The following PRKDC variants were observed in gnomAD, a reference collection of about 807,000 sequenced individuals.
PRKDC encodes the protein protein kinase, DNA-activated, catalytic subunit.
Under a neutral mutation model 486.9 loss-of-function variants are expected in PRKDC, and 82 were observed. That is an observed-to-expected ratio of 0.17 (90% CI 0.14 to 0.20). The LOEUF (loss-of-function observed/expected upper bound fraction) is 0.20. PRKDC is among the 10% of genes least tolerant of loss of function. The pLI is 1.00. For missense variants in PRKDC, 4,504 were observed against 5,038.2 expected (o/e 0.89, Z 3.21); for synonymous variants, 1,895 against 1,837.0 (o/e 1.03, Z -0.81).
chr8:47,873,227 CAAAAA>C (rs60385860), intron 40 of PRKDC, among the ~76,000 whole-genome samples: 8 of 71,074 alleles, frequency 1.1e-4, no homozygotes, highest in African/African-American at 3.0e-4. Context: ...GACTCCATCT[CAAAAA>C]AAAAAAAAAA....
In PRKDC at chr8:47,789,276, A is replaced by G. The variant is rs750594724; in HGVS notation, c.10671-38T>C. 2.4e-6 allele frequency: 3 copies of G among 1,230,122 alleles called. No homozygotes were observed. The Admixed American group carries it at 7.6e-5, about 31-fold the overall frequency. The allele number at this position is 1,230,122 out of a possible 1,614,324, so 76.2% of individuals were successfully genotyped here. A position where few individuals can be genotyped will look rare whatever the true frequency, so the allele number is the denominator to read the frequency against. ...ATTTACAAAGTTTAGGCAATCAAATATCTTCCAAAAATCAATATATATTTT... is the reference window on the plus strand; with the variant it reads ...ATTTACAAAGTTTAGGCAATCAAATGTCTTCCAAAAATCAATATATATTTT... On this transcript the variant is annotated intron_variant, in intron 74 of 85. Transcript: ENST00000314191.
rs553258208 is a variant in PRKDC at position 47,934,366 on chromosome 8, C to T, written c.1498-276G>A. Among the ~76,000 whole-genome samples the T allele has an allele frequency of 4.6e-5, 7 of 152,300 alleles. No homozygotes were observed. In the South Asian group the frequency reaches 1.5e-3, roughly 32 times the overall value. ...CAGCCTGGCCAACATGGCAAAATGT[C>T]TCTACTCTAAACACAAAAATTGGCT... is the stretch of plus-strand genomic sequence containing the variant. On this transcript the variant is annotated intron_variant, in intron 14 of 85. Transcript: ENST00000314191.
At chr8:47,898,422 T>TA in intron 29 of PRKDC, 48 bp downstream of exon 29, 5 of 1,403,460 alleles carry the variant, frequency 3.6e-6, no homozygotes, top group Non-Finnish European at 4.9e-6. Flanking sequence ...AGCTGTGAAT[T>TA]AGTTTTATGT....
At chr8:47,840,396 C>A (rs750187060) in intron 54 of PRKDC, among the ~76,000 whole-genome samples, 1 of 152,072 alleles carries the variant, frequency 6.6e-6, no homozygotes, top group Non-Finnish European at 1.5e-5. Flanking sequence ...TACACTGGAT[C>A]CTGAAATAGA....
chr8:47,948,033 A>G (rs1016924088), intron 7 of PRKDC, among the ~76,000 whole-genome samples: 18 of 151,974 alleles, frequency 1.2e-4, no homozygotes, highest in African/African-American at 3.6e-4. Flanking sequence ...CAGTGAGCCC[A>G]TATCACAGCA....
At chr8:47,871,889 C>T (rs1484428680) in intron 40 of PRKDC, among the ~76,000 whole-genome samples, 2 of 152,058 alleles carry the variant, frequency 1.3e-5, no homozygotes, top group Admixed American at 1.3e-4. Flanking sequence ...CCACGCCTGG[C>T]CAGGAGTTCT....
At chr8:47,789,397 A>G (rs373340986) in intron 74 of PRKDC, among the ~76,000 whole-genome samples, 159 bp from the exon 75 acceptor site, 1 of 151,062 alleles carries the variant, frequency 6.6e-6, no homozygotes, top group Non-Finnish European at 1.5e-5. Flanking sequence ...TATATATATA[A>G]CCAACTACAT....
intron 22 of PRKDC, among the ~76,000 whole-genome samples, chr8:47,916,236 A>C (rs1258160752): frequency 6.6e-6 from 1 of 152,144 alleles, no homozygotes; most frequent in Non-Finnish European, 1.5e-5. Context: ...TCACGAGGTC[A>C]GGAGTTCGAG....
At chr8:47,780,127 C>G (rs200490587) in intron 80 of PRKDC, among the ~76,000 whole-genome samples, 1 of 151,756 alleles carries the variant, frequency 6.6e-6, no homozygotes, top group Non-Finnish European at 1.5e-5. Flanking sequence ...GTTGACCAGA[C>G]TGGTCTCGAA....
intron 36 of PRKDC, among the ~76,000 whole-genome samples, chr8:47,882,617 T>G (rs2089244939): frequency 6.6e-6 from 1 of 152,082 alleles, no homozygotes; most frequent in South Asian, 2.1e-4. Flanking sequence ...CAAGCAAACA[T>G]GCACACACGC....
At chr8:47,927,072 C>A in intron 21 of PRKDC, 122 bp downstream of exon 21, 1 of 912,274 alleles carries the variant, frequency 1.1e-6, no homozygotes. Context: ...AAATAGCAAT[C>A]AAACATATTT....
intron 68 of PRKDC, among the ~76,000 whole-genome samples, chr8:47,810,306 T>C (rs1480187499): frequency 1.3e-5 from 2 of 152,248 alleles, no homozygotes; most frequent in Non-Finnish European, 2.9e-5. Context: ...CACACTCACA[T>C]AACGTTTATT....
chr8:47,868,127 A>G, intron 40 of PRKDC, among the ~76,000 whole-genome samples: 1 of 152,132 alleles, frequency 6.6e-6, no homozygotes, highest in East Asian at 1.9e-4. Flanking sequence ...CATGAAGGAT[A>G]CTTACTGGTC....
At chr8:47,817,386 A>G (rs200228037) in intron 68 of PRKDC, 64 bp downstream of exon 68, 429 of 1,182,872 alleles carry the variant, frequency 3.6e-4, no homozygotes, top group Non-Finnish European at 5.0e-4. Flanking sequence ...ATGGTTTGGA[A>G]GAAAAACCAT....
chr8:47,846,843 C>G (rs940304753), intron 54 of PRKDC, among the ~76,000 whole-genome samples: 1 of 152,118 alleles, frequency 6.6e-6, no homozygotes, highest in African/African-American at 2.4e-5. Flanking sequence ...AAATCAGTAA[C>G]ATTTCTATAC....
intron 35 of PRKDC, among the ~76,000 whole-genome samples, chr8:47,887,137 C>T (rs1172563605): frequency 1.3e-5 from 2 of 152,166 alleles, no homozygotes; most frequent in African/African-American, 2.4e-5. Flanking sequence ...GCCAGCCCTG[C>T]ATGGTTCAAA....
rs181286958 is a variant in PRKDC, at chr8:47,952,966, C to T, written c.721+654G>A. 2.0e-5 allele frequency among the ~76,000 whole-genome samples: 3 copies of T among 152,206 alleles called. No individual in the cohort carries two copies. In the East Asian group the frequency reaches 5.8e-4, roughly 29 times the overall value. On this transcript the variant is annotated intron_variant, in intron 7 of 85. Transcript: ENST00000314191. ...ACCAGCCTGGCCAACATGGTGAAACCCCATCTCTACTAAAAATACAAAAAA... is the reference window on the plus strand; with the variant it reads ...ACCAGCCTGGCCAACATGGTGAAACTCCATCTCTACTAAAAATACAAAAAA...
chr8:47,931,017 T>C (rs774207851), intron 16 of PRKDC, among the ~76,000 whole-genome samples: 2 of 152,078 alleles, frequency 1.3e-5, no homozygotes, highest in Non-Finnish European at 2.9e-5. Flanking sequence ...ATGGGACAAA[T>C]AGGAAAATGC....
chr8:47,863,978 C>A (rs2088740492), intron 41 of PRKDC, among the ~76,000 whole-genome samples: 1 of 152,172 alleles, frequency 6.6e-6, no homozygotes, highest in Non-Finnish European at 1.5e-5. Flanking sequence ...ACATCCTGCC[C>A]TCGCCCCACA....
Sources: gnomAD v4.1 joint callset for allele counts (sites outside exome capture counted in the v4.1 genomes callset) on GRCh38, gnomAD v4.1.1 for gene constraint, MANE v1.5 for transcripts, NCBI Gene and HGNC (gene_info 2026-07-23, HGNC 2026-07-21) for gene names.